PDHX: variants seen among roughly 807,000 people sequenced by gnomAD.
The protein encoded by PDHX is pyruvate dehydrogenase protein X component, mitochondrial.
In PDHX, 33 loss-of-function variants were observed where a neutral mutation model predicts 55.3. The observed-to-expected ratio is 0.60, with a 90% CI of 0.45 to 0.80. The LOEUF (loss-of-function observed/expected upper bound fraction) is 0.80, where lower values mean the gene tolerates loss of function less well. Ranked by LOEUF, PDHX falls within the 30% of genes least tolerant of loss-of-function variation. The pLI is 0.00. For missense variants in PDHX, 622 were observed against 619.9 expected, an observed-to-expected ratio of 1.00 and a Z score of -0.04; for synonymous variants, 226 against 219.4, an observed-to-expected ratio of 1.03 and a Z score of -0.27.
intron 3 of PDHX, among the ~76,000 whole-genome samples, chr11:34,953,386 C>G (rs1854825465): frequency 1.3e-5 from 2 of 152,152 alleles, no homozygotes; most frequent in African/African-American, 4.8e-5. Context: ...ATCGCCAAGT[C>G]AATCCTAAGC....
chr11:34,925,716 G>A (rs148086698), intron 1 of PDHX, among the ~76,000 whole-genome samples: 1 of 152,280 alleles, frequency 6.6e-6, no homozygotes, highest in African/African-American at 2.4e-5. Context: ...AAGCTGGGCA[G>A]GTAGTAATTG....
intron 1 of PDHX, among the ~76,000 whole-genome samples, chr11:34,918,032 G>T (rs930203244): frequency 6.6e-6 from 1 of 152,190 alleles, no homozygotes; most frequent in Admixed American, 6.5e-5. Flanking sequence ...TAAAAGTTTA[G>T]TATTGGATAT....
At chr11:34,983,610 A>T (rs570428611) in intron 8 of PDHX, among the ~76,000 whole-genome samples, 1 of 150,712 alleles carries the variant, frequency 6.6e-6, no homozygotes. Flanking sequence ...AAAAATCACA[A>T]TCATTCTTAT....
chr11:34,932,392 A>G (rs1854199359), intron 2 of PDHX, among the ~76,000 whole-genome samples: 2 of 152,214 alleles, frequency 1.3e-5, no homozygotes, highest in African/African-American at 2.4e-5. Flanking sequence ...AAAATCGATA[A>G]GACTGTCAAC....
At chr11:34,986,138 C>T (rs12279631) in intron 9 of PDHX, among the ~76,000 whole-genome samples, 1 of 152,064 alleles carries the variant, frequency 6.6e-6, no homozygotes, top group Non-Finnish European at 1.5e-5. Flanking sequence ...AACCCCATTT[C>T]TACTAAAAAT....
intron 1 of PDHX, among the ~76,000 whole-genome samples, chr11:34,927,558 G>A (rs1472144930): frequency 6.6e-6 from 1 of 152,028 alleles, no homozygotes; most frequent in East Asian, 1.9e-4. Context: ...GTGCAGGCCT[G>A]TCACTTCAAG....
intron 8 of PDHX, among the ~76,000 whole-genome samples, chr11:34,980,323 A>AT (rs1169875489): frequency 3.7e-5 from 4 of 108,538 alleles, no homozygotes; most frequent in Admixed American, 3.6e-4. Flanking sequence ...ATTCATTTTA[A>AT]TTTTTTTTAA....
At chr11:34,952,023 T>C (rs1175566096) in intron 3 of PDHX, among the ~76,000 whole-genome samples, 2 of 152,128 alleles carry the variant, frequency 1.3e-5, no homozygotes, top group African/African-American at 4.8e-5. Context: ...TGCGGCGTTA[T>C]TTCTGAGGGT....
At chr11:34,992,619 T>C (rs1356786618) in intron 10 of PDHX, among the ~76,000 whole-genome samples, 1 of 152,228 alleles carries the variant, frequency 6.6e-6, no homozygotes, top group Non-Finnish European at 1.5e-5. Context: ...CATGGAATGA[T>C]AAATATTATG....
intron 7 of PDHX, among the ~76,000 whole-genome samples, chr11:34,976,969 C>G (rs1855392698): frequency 6.6e-6 from 1 of 152,108 alleles, no homozygotes; most frequent in African/African-American, 2.4e-5. Context: ...ATGTGGTTAT[C>G]ATTAAAAGCT....
chr11:34,924,531 CT>C (rs774791708), intron 1 of PDHX, among the ~76,000 whole-genome samples: 17 of 152,044 alleles, frequency 1.1e-4, no homozygotes, highest in Non-Finnish European at 2.1e-4. Context: ...TACCTTATTT[CT>C]TTACAAAAAT....
At chr11:34,918,450 A>G (rs1007233726) in intron 1 of PDHX, among the ~76,000 whole-genome samples, 2 of 152,046 alleles carry the variant, frequency 1.3e-5, no homozygotes, top group East Asian at 3.9e-4. Context: ...AGAAAAAAAA[A>G]AAAAAGTATA....
At chr11:34,948,981 G>A (rs1854688731) in intron 3 of PDHX, among the ~76,000 whole-genome samples, 1 of 152,122 alleles carries the variant, frequency 6.6e-6, no homozygotes, top group African/African-American at 2.4e-5. Context: ...ATTTCAAATT[G>A]CTAACCATGT....
intron 1 of PDHX, among the ~76,000 whole-genome samples, chr11:34,917,669 C>T (rs985058375): frequency 6.6e-6 from 1 of 151,914 alleles, no homozygotes; most frequent in South Asian, 2.1e-4. Context: ...CCTTCATATT[C>T]TGAGCTACCT....
chr11:34,969,767 TGTG>T (rs1381533268), intron 6 of PDHX, among the ~76,000 whole-genome samples: 1 of 150,704 alleles, frequency 6.6e-6, no homozygotes, highest in East Asian at 1.9e-4. Flanking sequence ...TATTGCTCCT[TGTG>T]TGTGTGTGGT....
intron 1 of PDHX, among the ~76,000 whole-genome samples, chr11:34,918,372 C>T (rs1294133575): frequency 1.3e-5 from 2 of 151,520 alleles, no homozygotes; most frequent in Non-Finnish European, 2.9e-5. Context: ...AGGAGTTAGA[C>T]GTTTCATTGA....
chr11:34,918,244 C>A (rs1458278840), intron 1 of PDHX, among the ~76,000 whole-genome samples: 2 of 151,218 alleles, frequency 1.3e-5, no homozygotes, highest in Admixed American at 6.6e-5. Flanking sequence ...GGAGACCAGC[C>A]CGGGCAACAA....
At chr11:34,916,561 C>A (rs1480712818), upstream of PDHX, 5 of 1,539,434 alleles carry the variant, frequency 3.2e-6, no homozygotes, top group South Asian at 3.6e-5. Context: ...AAAGGCACCG[C>A]TAGCGTCTGG....
At chr11:34,953,167 A>G (rs937010566) in intron 3 of PDHX, among the ~76,000 whole-genome samples, 16 of 152,238 alleles carry the variant, frequency 1.1e-4, no homozygotes, top group Admixed American at 9.2e-4. Flanking sequence ...TAGAACTACA[A>G]ACCACTGCTC....
Sources: gnomAD v4.1 joint callset for allele counts (sites outside exome capture counted in the v4.1 genomes callset) on GRCh38, gnomAD v4.1.1 for gene constraint, MANE v1.5 for transcripts, NCBI Gene and HGNC (gene_info 2026-07-23, HGNC 2026-07-21) for gene names.